SAMD8: variants seen among roughly 807,000 people sequenced by gnomAD.
SAMD8 encodes sterile alpha motif domain containing 8.
SAMD8 carries 20 observed loss-of-function variants against 42.0 expected under a neutral mutation model. The observed-to-expected ratio is 0.48, with a 90% CI of 0.34 to 0.69. The LOEUF (loss-of-function observed/expected upper bound fraction) is 0.69, where lower values mean the gene tolerates loss of function less well. SAMD8 is among the 30% of genes least tolerant of loss of function. SAMD8 has a pLI of 0.01. For missense variants in SAMD8, 328 were observed against 511.6 expected, an observed-to-expected ratio of 0.64 and a Z score of 3.46; for synonymous variants, 162 against 173.0, an observed-to-expected ratio of 0.94 and a Z score of 0.50.
At chr10:75,171,451 G>A (rs1241963166) in intron 4 of SAMD8, among the ~76,000 whole-genome samples, 2 of 152,086 alleles carry the variant, frequency 1.3e-5, no homozygotes, top group Non-Finnish European at 2.9e-5. Context: ...ACAGGCGTGA[G>A]CCATCGCGCC....
chr10:75,125,962 A>G lies in SAMD8; in HGVS notation c.-16+14240A>G, dbSNP rs1212453657. 8 of 152,244 alleles carry G rather than the reference A, an allele frequency of 5.3e-5. No homozygotes were observed. In the East Asian group the frequency reaches 1.5e-3, roughly 29 times the overall value. 9.4% of individuals were successfully genotyped at this position (152,244 alleles called of 1,614,324 possible). On this transcript the variant is annotated intron_variant, in intron 1 of 5. Coordinates refer to ENST00000542569, the MANE Select transcript of SAMD8 (RefSeq NM_001174156.2). The stretch of plus-strand genomic sequence containing the variant: ...TAAAAACAAAAACAAAAAGGTTTTC[A>G]TCATCTGGCCCCAGTTTATATTTTC...
chr10:75,172,627 A>G (rs142871544), intron 4 of SAMD8, among the ~76,000 whole-genome samples: 8,035 of 151,862 alleles, frequency 0.053, 318 homozygotes, highest in African/African-American at 0.11. Flanking sequence ...CCTCCCAAGT[A>G]ACTGGGATCA....
chr10:75,126,405 A>G (rs974983405), intron 1 of SAMD8, among the ~76,000 whole-genome samples: 4 of 151,742 alleles, frequency 2.6e-5, no homozygotes, highest in African/African-American at 9.7e-5. Context: ...ATTCATTTGG[A>G]TGAATGCCAC....
rs755748536 is a variant in SAMD8 at position 75,101,829 on chromosome 10, C to G, written c.-16+2101C>G. 2.9e-5 allele frequency: 39 copies of G among 1,342,284 alleles called. No individual in the cohort carries two copies. In the Admixed American group the frequency reaches 7.2e-4, roughly 25 times the overall value. 83.1% of individuals were successfully genotyped at this position (1,342,284 alleles called of 1,614,324 possible). A position where few individuals can be genotyped will look rare whatever the true frequency, so the allele number is the denominator to read the frequency against. On this transcript the variant is annotated intron_variant, in intron 1 of 3. Coordinates refer to the SAMD8 transcript ENST00000447533. ...CTCATTACCCAGCATGCTCAGGGACCACATCCTACCCCCCCCAAATTAGGA... is the reference window on the plus strand; with the variant it reads ...CTCATTACCCAGCATGCTCAGGGACGACATCCTACCCCCCCCAAATTAGGA...
intron 4 of SAMD8, among the ~76,000 whole-genome samples, chr10:75,172,251 T>C (rs10824286): frequency 0.55 from 83,928 of 151,906 alleles, 24,985 homozygotes; most frequent in East Asian, 0.9. Context: ...CGCAGTTTCT[T>C]CAAAATAGTA....
chr10:75,175,960 T>A (rs548264864), intron 4 of SAMD8, 106 bp from the exon 5 acceptor site: 1 of 1,521,490 alleles, frequency 6.6e-7, no homozygotes. Flanking sequence ...TTGGCTTAGA[T>A]CTTATTTCTA....
intron 1 of SAMD8, among the ~76,000 whole-genome samples, chr10:75,136,912 G>T (rs1459905793): frequency 1.3e-5 from 2 of 152,076 alleles, no homozygotes; most frequent in African/African-American, 4.8e-5. Flanking sequence ...TTAAGAAAAA[G>T]AACAGAAAAT....
intron 2 of SAMD8, among the ~76,000 whole-genome samples, chr10:75,160,964 A>G (rs1407879297): frequency 6.6e-6 from 1 of 152,178 alleles, no homozygotes; most frequent in Non-Finnish European, 1.5e-5. Flanking sequence ...GGTATTGGGG[A>G]GTCTGAGGTG....
At chr10:75,121,872 A>C (rs1554857725) in intron 1 of SAMD8, among the ~76,000 whole-genome samples, 4 of 151,978 alleles carry the variant, frequency 2.6e-5, no homozygotes, top group Non-Finnish European at 4.4e-5. Context: ...TTGTATTTTT[A>C]ATAGAGACAG....
At chr10:75,127,239 TCTG>T (rs1298284531) in intron 1 of SAMD8, among the ~76,000 whole-genome samples, 2 of 152,172 alleles carry the variant, frequency 1.3e-5, no homozygotes, top group African/African-American at 2.4e-5. Flanking sequence ...GATACATTCT[TCTG>T]CTGATAACTA....
At chr10:75,111,380 G>C (rs1848763296), upstream of SAMD8, 1 of 613,582 alleles carries the variant, frequency 1.6e-6, no homozygotes, top group African/African-American at 1.9e-5. Context: ...CTCCGCGGCA[G>C]CATCTCGGTT....
At chr10:75,123,041 G>A (rs923174260) in intron 1 of SAMD8, among the ~76,000 whole-genome samples, 9 of 152,006 alleles carry the variant, frequency 5.9e-5, no homozygotes, top group African/African-American at 2.4e-5. Context: ...ATCTATATTC[G>A]TGAGGGATAT....
At chr10:75,165,065 C>T (rs147400310) in intron 3 of SAMD8, among the ~76,000 whole-genome samples, 3,783 of 151,774 alleles carry the variant, frequency 0.025, 65 homozygotes, top group Non-Finnish European at 0.038. Flanking sequence ...CCGAGGCAGG[C>T]GGATCACCTG....
chr10:75,128,421 A>G (rs969484306), intron 1 of SAMD8, among the ~76,000 whole-genome samples: 4 of 152,226 alleles, frequency 2.6e-5, no homozygotes, highest in African/African-American at 9.6e-5. Flanking sequence ...TATGTTGCCC[A>G]GGCTGGTCTT....
intron 4 of SAMD8, among the ~76,000 whole-genome samples, chr10:75,170,808 C>T (rs908129471): frequency 7.1e-6 from 1 of 140,814 alleles, no homozygotes; most frequent in Non-Finnish European, 1.5e-5. Context: ...GAGTCTTTCC[C>T]AGTCGCCCAG....
intron 4 of SAMD8, among the ~76,000 whole-genome samples, chr10:75,173,820 G>T (rs1025324062): frequency 6.6e-6 from 1 of 152,124 alleles, no homozygotes; most frequent in African/African-American, 2.4e-5. Context: ...GGTCATATTT[G>T]ATAGAATCTT....
At chr10:75,115,317 A>G (rs1323165731) in intron 1 of SAMD8, among the ~76,000 whole-genome samples, 1 of 152,224 alleles carries the variant, frequency 6.6e-6, no homozygotes, top group Non-Finnish European at 1.5e-5. Flanking sequence ...GACAACAGAT[A>G]TCATCAGGAC....
intron 1 of SAMD8, among the ~76,000 whole-genome samples, chr10:75,135,469 AT>A (rs1849373689): frequency 7.0e-6 from 1 of 142,600 alleles, no homozygotes. Flanking sequence ...AAAAAAAAAA[AT>A]TACACTGTAC....
intron 1 of SAMD8, among the ~76,000 whole-genome samples, chr10:75,124,220 C>T (rs1231988052): frequency 1.3e-5 from 2 of 152,108 alleles, no homozygotes; most frequent in Non-Finnish European, 2.9e-5. Flanking sequence ...TTCTCAGAGT[C>T]TTCTTATGTT....
Sources: allele counts gnomAD v4.1 joint callset (sites outside exome capture counted in the v4.1 genomes callset), GRCh38; gene constraint gnomAD v4.1.1; transcripts MANE v1.5; gene names NCBI Gene and HGNC (gene_info 2026-07-23, HGNC 2026-07-21).